The following PTMS variants were observed in gnomAD, a reference collection of about 807,000 sequenced individuals.
The protein encoded by PTMS is parathymosin.
In PTMS, 5 loss-of-function variants were observed where a neutral mutation model predicts 18.4. That is an observed-to-expected ratio of 0.27 (90% CI 0.14 to 0.57). PTMS has a LOEUF of 0.57. PTMS is among the 20% of genes least tolerant of loss of function. The pLI, the probability that PTMS is intolerant of heterozygous loss-of-function variation, is 0.92. For missense variants in PTMS, 93 were observed against 124.6 expected, an observed-to-expected ratio of 0.75 and a Z score of 1.21; for synonymous variants, 53 against 47.7, an observed-to-expected ratio of 1.11 and a Z score of -0.46.
At position 6,766,480 on chromosome 12, in the gene PTMS, C is replaced by A; in HGVS notation, c.-226C>A. The stretch of plus-strand genomic sequence containing the variant: ...CCCTTCCGCCCGCCCTCCGGACGGC[C>A]GCAGCCCTGCGGGTCTCCGCTCCAG... On this transcript the variant is annotated 5_prime_UTR_variant, in exon 1 of 5. Coordinates refer to ENST00000309083, the MANE Select transcript of PTMS (RefSeq NM_002824.6). 3.8e-6 allele frequency: 1 copy of A among 260,738 alleles called. No individual in the cohort carries two copies. Among genetic ancestry groups the A allele is most frequent in the Non-Finnish European group, 7.7e-6 (1 of 130,092 alleles). 16.2% of individuals were successfully genotyped at this position (260,738 alleles called of 1,614,324 possible).
At position 6,770,403 on chromosome 12, in the gene PTMS, T is replaced by C. The variant is rs1368012841; in HGVS notation, c.270T>C (p.Asp90=). The change falls in exon 5 of 5, where the codon GAT becomes GAC. Residue 90 remains aspartate, a synonymous_variant. Transcript: ENST00000309083. This position sits in a 1 kb window ranked among gnomAD's most constrained non-coding sequence, Gnocchi z 7.3. ...KRAAEEEDEA[D]PKRQKTENGA... Reference sequence around the variant, plus strand: ...CTCCCTCTCCACAGGATGAAGCGGATCCCAAACGGCAGAAGACAGAAAATG... The same window carrying C: ...CTCCCTCTCCACAGGATGAAGCGGACCCCAAACGGCAGAAGACAGAAAATG... 1 of 1,602,938 alleles carries C rather than the reference T, an allele frequency of 6.2e-7. No individual in the cohort carries two copies. Among genetic ancestry groups the C allele is most frequent in the Non-Finnish European group, 8.5e-7 (1 of 1,178,572 alleles).
Position 6,766,619 on chromosome 12 carries a change from C to T in PTMS, c.-87C>T. 1.2e-6 allele frequency: 1 copy of T among 812,082 alleles called. No individual in the cohort carries two copies. Among genetic ancestry groups the T allele is most frequent in the Non-Finnish European group, 1.5e-6 (1 of 651,184 alleles). The allele number at this position is 812,082 out of a possible 1,614,324, so 50.3% of individuals were successfully genotyped here. A position where few individuals can be genotyped will look rare whatever the true frequency, so the allele number is the denominator to read the frequency against. Reference sequence around the variant, plus strand: ...CCGCCGCCACCGCGCCAGGTTCCGGCCGCGGCCACCCTCCGCCGTCCAGGG... The same window carrying T: ...CCGCCGCCACCGCGCCAGGTTCCGGTCGCGGCCACCCTCCGCCGTCCAGGG... On this transcript the variant is annotated 5_prime_UTR_variant, in exon 1 of 5. Transcript: ENST00000309083.
At chr12:6,769,734 C>T (rs891520304) in intron 2 of PTMS, 60 bp downstream of exon 2, 2 of 1,606,616 alleles carry the variant, frequency 1.2e-6, no homozygotes, top group African/African-American at 1.3e-5. Context: ...CCAATCATCT[C>T]ATCCTTCCTC....
chr12:6,769,974 G>A lies in PTMS; in HGVS notation c.171G>A (p.Glu57=), dbSNP rs779507363. ...AAGAAGAAACTGCCGAGGATGGAGA[G>A]GAGGAAGATGAAGGGGAAGAAGAAG... The part of the protein sequence containing the change: ...EEEEETAEDG[E]EEDEGEEEDE... Residue 57 remains glutamate, a synonymous_variant, in exon 3 of 5, where the codon GAG becomes GAA. Coordinates refer to ENST00000309083, the MANE Select transcript of PTMS (RefSeq NM_002824.6). 4.5e-6 allele frequency: 7 copies of A among 1,554,450 alleles called. No individual in the cohort carries two copies. The South Asian group carries it at 8.3e-5, about 18-fold the overall frequency.
intron 1 of PTMS, among the ~76,000 whole-genome samples, chr12:6,767,643 C>T (rs1293019007): frequency 7.6e-6 from 1 of 130,962 alleles, no homozygotes; most frequent in Non-Finnish European, 1.6e-5. Context: ...TCACACAGGT[C>T]TCCCGGAGGC....
chr12:6,767,965 C>T (rs1461092301), intron 1 of PTMS, among the ~76,000 whole-genome samples: 1 of 152,220 alleles, frequency 6.6e-6, no homozygotes, highest in African/African-American at 2.4e-5. Flanking sequence ...GGCCATGTGT[C>T]TCCCATCGCG....
At position 6,770,653 on chromosome 12, in the gene PTMS, G is replaced by A; in HGVS notation, c.*211G>A. On this transcript the variant is annotated 3_prime_UTR_variant, in exon 5 of 5. Transcript: ENST00000309083. This position sits in a 1 kb window ranked among gnomAD's most constrained non-coding sequence, Gnocchi z 7.3. ...CTGCCATTGTTCCACCTCCTGACCT[G>A]CTCCATCTGAGCTCTCCAGCTGGCC... The A allele has an allele frequency of 1.6e-6, 1 of 619,862 alleles. No individual in the cohort carries two copies. The highest frequency in any genetic ancestry group is 2.8e-5 in the East Asian group (1 of 36,140). 38.4% of individuals were successfully genotyped at this position (619,862 alleles called of 1,614,324 possible). A position where few individuals can be genotyped will look rare whatever the true frequency, so the allele number is the denominator to read the frequency against.
rs200367652 is a variant in PTMS, at chr12:6,770,192, G to T, written c.232G>T (p.Ala78Ser). Residue 78 changes from alanine to serine, a missense_variant, in exon 4 of 5, where the codon GCG (alanine) becomes TCG (serine). By Grantham distance (99) the Ala-to-Ser change is moderately conservative (BLOSUM62 1). Transcript: ENST00000309083. The surrounding 1 kb of genome is among the most constrained non-coding windows in gnomAD (Gnocchi z 7.3). ...AGAAGAAGAGGATGATGAAGGGCCC[G>T]CGCTGAAGAGAGCTGCCGAAGAGGA... ...EEEEEDDEGP[A>S]LKRAAEEEDE... 6.2e-6 allele frequency: 10 copies of T among 1,614,172 alleles called. No individual in the cohort carries two copies. The highest frequency in any genetic ancestry group is 2.7e-5 in the African/African-American group (2 of 75,048).
In PTMS at chr12:6,770,353, T is replaced by A. The variant is rs748548476; in HGVS notation, c.259-39T>A. The A allele has an allele frequency of 6.2e-7, 1 of 1,612,536 alleles. No homozygotes were observed. Among genetic ancestry groups the A allele is most frequent in the East Asian group, 2.2e-5 (1 of 44,832 alleles). On this transcript the variant is annotated intron_variant, in intron 4 of 4. Coordinates refer to ENST00000309083, the MANE Select transcript of PTMS (RefSeq NM_002824.6). The surrounding 1 kb of genome is among the most constrained non-coding windows in gnomAD (Gnocchi z 7.3). Reference sequence around the variant, plus strand: ...GACCGGGACAGGGGGAGGTCTCCCCTCCCATTTTACAGCTCCCCCATTCTC... The same window carrying A: ...GACCGGGACAGGGGGAGGTCTCCCCACCCATTTTACAGCTCCCCCATTCTC...
chr12:6,767,506 T>TC (rs1032502597), intron 1 of PTMS: 1 of 148,064 alleles, frequency 6.8e-6, no homozygotes, highest in Non-Finnish European at 1.5e-5. Flanking sequence ...TCCTCTAATT[T>TC]CCCCAGGGAA....
chr12:6,767,141 C>G (rs1941776796), intron 1 of PTMS: 1 of 152,600 alleles, frequency 6.6e-6, no homozygotes, highest in Non-Finnish European at 1.5e-5. Context: ...CTGACCTCAC[C>G]TTTCCTCGCT....
In PTMS at chr12:6,770,280, T is replaced by TG. The variant is rs1555111297; in HGVS notation, c.258+64dup. ...GGATGCAGCCGGGCTGGGCGCCCTT[T>TG]GGATTTGGACCCAGATCCCTGTGTG... On this transcript the variant is annotated intron_variant, in intron 4 of 4. Transcript: ENST00000309083. This position sits in a 1 kb window ranked among gnomAD's most constrained non-coding sequence, Gnocchi z 7.3. 4 of 1,611,384 alleles carry TG rather than the reference T, an allele frequency of 2.5e-6. No individual in the cohort carries two copies. Among genetic ancestry groups the TG allele is most frequent in the Non-Finnish European group, 3.4e-6 (4 of 1,177,580 alleles).
intron 1 of PTMS, among the ~76,000 whole-genome samples, chr12:6,768,618 G>A (rs1941801417): frequency 6.6e-6 from 1 of 152,210 alleles, no homozygotes; most frequent in African/African-American, 2.4e-5. Flanking sequence ...GACACCTACC[G>A]TGTTACACTG....
At chr12:6,769,228 C>T (rs1331675012) in intron 1 of PTMS, 1 of 243,670 alleles carries the variant, frequency 4.1e-6, no homozygotes, top group Non-Finnish European at 7.8e-6. Flanking sequence ...GCAAGGGAGG[C>T]GGAGGGACAC....
chr12:6,767,819 A>G (rs1410794333), intron 1 of PTMS, among the ~76,000 whole-genome samples: 1 of 152,188 alleles, frequency 6.6e-6, no homozygotes, highest in Non-Finnish European at 1.5e-5. Context: ...AGTGTGTGGG[A>G]CTGCCCGTGT....
Position 6,769,914 on chromosome 12 carries a change from C to G in PTMS, c.118-7C>G. 1.3e-6 allele frequency: 2 copies of G among 1,561,994 alleles called. No individual in the cohort carries two copies. Among genetic ancestry groups the G allele is most frequent in the Non-Finnish European group, 1.7e-6 (2 of 1,152,628 alleles). ...CCTGAGGCTACTCCCTCTCCTGGTC[C>G]CCACAGGAGGAGGAGAACGGGGCTG... On this transcript the variant is annotated splice_polypyrimidine_tract_variant and splice_region_variant and intron_variant, in intron 2 of 4. Coordinates refer to ENST00000309083, the MANE Select transcript of PTMS (RefSeq NM_002824.6).
At position 6,766,624 on chromosome 12, in the gene PTMS, G is replaced by A. The variant is rs1941768934; in HGVS notation, c.-82G>A. Reference sequence around the variant, plus strand: ...GCCACCGCGCCAGGTTCCGGCCGCGGCCACCCTCCGCCGTCCAGGGCCCCT... The same window carrying A: ...GCCACCGCGCCAGGTTCCGGCCGCGACCACCCTCCGCCGTCCAGGGCCCCT... On this transcript the variant is annotated 5_prime_UTR_variant, in exon 1 of 5. Transcript: ENST00000309083. 7 of 858,068 alleles carry A rather than the reference G, an allele frequency of 8.2e-6. No individual in the cohort carries two copies. Among genetic ancestry groups the A allele is most frequent in the Non-Finnish European group, 8.7e-6 (6 of 693,020 alleles). 53.2% of individuals were successfully genotyped at this position (858,068 alleles called of 1,614,324 possible).
Position 6,770,267 on chromosome 12 carries a change from G to T in PTMS, c.258+49G>T. On this transcript the variant is annotated intron_variant, in intron 4 of 4. Coordinates refer to ENST00000309083, the MANE Select transcript of PTMS (RefSeq NM_002824.6). The surrounding 1 kb of genome is among the most constrained non-coding windows in gnomAD (Gnocchi z 7.3). ...GAGGGGCTGTCAGGGATGCAGCCGG[G>T]CTGGGCGCCCTTTGGATTTGGACCC... 1.2e-6 allele frequency: 2 copies of T among 1,612,278 alleles called. No homozygotes were observed. Among genetic ancestry groups the T allele is most frequent in the Non-Finnish European group, 1.7e-6 (2 of 1,178,314 alleles).
intron 1 of PTMS, among the ~76,000 whole-genome samples, chr12:6,767,952 C>G: frequency 6.6e-6 from 1 of 152,356 alleles, no homozygotes; most frequent in Admixed American, 6.5e-5. Context: ...TGGCCCAACG[C>G]TGGGCCATGT....
Sources: gnomAD v4.1 joint callset for allele counts (sites outside exome capture counted in the v4.1 genomes callset) on GRCh38, gnomAD v4.1.1 for gene constraint, Gnocchi (gnomAD v3.1) non-coding constraint, MANE v1.5 for transcripts, NCBI Gene and HGNC (gene_info 2026-07-23, HGNC 2026-07-21) for gene names.